SH3RF2: variants seen among roughly 807,000 people sequenced by gnomAD.
SH3RF2 encodes E3 ubiquitin-protein ligase SH3RF2.
In SH3RF2, 43 loss-of-function variants were observed where a neutral mutation model predicts 59.0. The observed-to-expected ratio is 0.73, with a 90% CI of 0.57 to 0.94. SH3RF2 has a LOEUF of 0.94. Among genes scored for constraint, SH3RF2 ranks in the 40% least tolerant of loss-of-function variants. The pLI is 0.00. For synonymous variants in SH3RF2, 391 were observed against 391.5 expected (o/e 1.00, Z 0.01); for missense variants, 930 against 940.1 (o/e 0.99, Z 0.14).
intron 2 of SH3RF2, among the ~76,000 whole-genome samples, chr5:145,957,549 GA>G (rs2149951198): frequency 6.6e-6 from 1 of 152,254 alleles, no homozygotes; most frequent in African/African-American, 2.4e-5. Context: ...GCCCCTATGT[GA>G]GGTGGGTACT....
At chr5:146,024,448 T>C (rs546504705) in intron 5 of SH3RF2, among the ~76,000 whole-genome samples, 122 of 152,362 alleles carry the variant, frequency 8.0e-4, no homozygotes, top group Non-Finnish European at 1.4e-3. Flanking sequence ...GTAAGAGTTC[T>C]TTACATATTC....
At chr5:145,995,144 G>A (rs758487852) in intron 2 of SH3RF2, among the ~76,000 whole-genome samples, 30 of 152,102 alleles carry the variant, frequency 2.0e-4, no homozygotes, top group Non-Finnish European at 3.5e-4. Flanking sequence ...TGTGGCCCTC[G>A]TCCTCAGTAT....
At chr5:146,022,614 CTG>C (rs1761365834) in intron 5 of SH3RF2, among the ~76,000 whole-genome samples, 1 of 152,138 alleles carries the variant, frequency 6.6e-6, no homozygotes, top group Non-Finnish European at 1.5e-5. Flanking sequence ...TGGCTCATGC[CTG>C]TAATCCCAGC....
chr5:146,050,041 C>A (rs1762441868), intron 7 of SH3RF2: 1 of 152,174 alleles, frequency 6.6e-6, no homozygotes, highest in Admixed American at 6.6e-5. Context: ...CCATTGTATT[C>A]TGTGCGGGTC....
At chr5:146,027,931 C>T (rs572191792) in intron 5 of SH3RF2, among the ~76,000 whole-genome samples, 30 of 152,226 alleles carry the variant, frequency 2.0e-4, no homozygotes, top group Admixed American at 1.8e-3. Context: ...AAAGCAGGTT[C>T]GATAATTAAC....
chr5:146,064,727 A>G (rs10056869), downstream of SH3RF2, among the ~76,000 whole-genome samples: 1,025 of 12,574 alleles, frequency 0.082, 58 homozygotes, highest in Middle Eastern at 0.1. Flanking sequence ...AGAAAGAAAG[A>G]AAGGAAGGAA....
At position 146,013,925 on chromosome 5, in the gene SH3RF2, T is replaced by C. The variant is rs540803052; in HGVS notation, c.923T>C (p.Leu308Pro). ...TCCATCACAACAGCCTTGAACACTC[T>C]CAACCGGATGGTCCATTCTCCTTCA... ...QFSITTALNT[L>P]NRMVHSPSGR... The change falls in exon 5 of 10, where the codon CTC (leucine) becomes CCC (proline). Residue 308 changes from leucine to proline, a missense_variant. Transcript: ENST00000359120. 1.5e-5 allele frequency: 24 copies of C among 1,614,120 alleles called. No individual in the cohort carries two copies. In the South Asian group the frequency reaches 2.5e-4, roughly 17 times the overall value.
At chr5:146,034,656 G>A (rs955088312) in intron 5 of SH3RF2, among the ~76,000 whole-genome samples, 7 of 152,196 alleles carry the variant, frequency 4.6e-5, no homozygotes, top group African/African-American at 1.2e-4. Context: ...AGTATGAGGT[G>A]TCTTCCCAAG....
Position 145,938,089 on chromosome 5 carries a change from C to A in SH3RF2, c.161C>A (p.Thr54Lys), listed in dbSNP as rs754818088. The change falls in exon 2 of 10, where the codon ACG (threonine) becomes AAG (lysine). Residue 54 changes from threonine to lysine, a missense_variant. Thr to Lys is a moderately conservative substitution (Grantham distance 78). Coordinates refer to ENST00000359120, the MANE Select transcript of SH3RF2 (RefSeq NM_152550.4). The stretch of plus-strand genomic sequence containing the variant: ...GAGCTGCGGTGCCCCGAATGCAGGA[C>A]GCCTGTGTTTTCCAACATTGAGGCG... ...HKELRCPECRTPVFSNIEALP... is the reference protein window; with the variant it reads ...HKELRCPECRKPVFSNIEALP... 7 of 1,614,094 alleles carry A rather than the reference C, an allele frequency of 4.3e-6. No homozygotes were observed. In the East Asian group the frequency reaches 1.3e-4, roughly 31 times the overall value.
chr5:146,065,887 C>T (rs994609627), downstream of SH3RF2, among the ~76,000 whole-genome samples: 3 of 152,220 alleles, frequency 2.0e-5, no homozygotes, highest in Non-Finnish European at 2.9e-5. Flanking sequence ...TCAAACTCCT[C>T]GGCTTGGCCT....
chr5:145,988,639 G>GA (rs895792804), intron 2 of SH3RF2, among the ~76,000 whole-genome samples: 55 of 151,558 alleles, frequency 3.6e-4, no homozygotes, highest in Middle Eastern at 3.4e-3. Flanking sequence ...AGTTTTCTAT[G>GA]AAAAAAAACA....
intron 5 of SH3RF2, among the ~76,000 whole-genome samples, chr5:146,037,319 C>T (rs1000370448): frequency 1.3e-5 from 2 of 152,190 alleles, no homozygotes; most frequent in Admixed American, 1.3e-4. Flanking sequence ...CTCAAACCCA[C>T]ATCAGACAGC....
intron 4 of SH3RF2, among the ~76,000 whole-genome samples, chr5:146,010,062 T>C (rs1055124392): frequency 2.0e-5 from 3 of 151,698 alleles, no homozygotes; most frequent in African/African-American, 7.3e-5. Context: ...CAGTGTGTGA[T>C]GTTCCCCTTC....
chr5:146,043,231 T>C (rs577461301), intron 5 of SH3RF2: 39 of 152,488 alleles, frequency 2.6e-4, no homozygotes, highest in Admixed American at 8.5e-4. Flanking sequence ...TCTCCAGTCA[T>C]TCATTCGTTC....
chr5:146,039,487 G>GAA (rs113958527), intron 5 of SH3RF2, among the ~76,000 whole-genome samples: 2 of 139,486 alleles, frequency 1.4e-5, no homozygotes, highest in Admixed American at 7.2e-5. Context: ...ATAAATATTT[G>GAA]AAAAAAAAAA....
At chr5:146,059,843 C>A in intron 8 of SH3RF2, 23 bp from the exon 9 acceptor site, 1 of 1,404,230 alleles carries the variant, frequency 7.1e-7, no homozygotes, top group Non-Finnish European at 9.3e-7. Context: ...TGCTGCTGAT[C>A]TCTCTGTCCT....
intron 2 of SH3RF2, among the ~76,000 whole-genome samples, chr5:145,952,598 G>C (rs983282821): frequency 6.6e-6 from 1 of 152,110 alleles, no homozygotes; most frequent in African/African-American, 2.4e-5. Context: ...ACTAAACTAA[G>C]CTCTAGGATA....
chr5:145,975,384 C>T (rs1203388988), intron 2 of SH3RF2, among the ~76,000 whole-genome samples: 1 of 152,224 alleles, frequency 6.6e-6, no homozygotes, highest in Non-Finnish European at 1.5e-5. Context: ...GGCCAAGTCT[C>T]TCATCTTAGA....
intron 5 of SH3RF2, among the ~76,000 whole-genome samples, chr5:146,020,051 G>T (rs1400510213): frequency 1.3e-5 from 2 of 152,154 alleles, no homozygotes; most frequent in Admixed American, 1.3e-4. Flanking sequence ...AGCAAACAGA[G>T]ATGGTTTGAC....
Sources: gnomAD v4.1 joint callset for allele counts (sites outside exome capture counted in the v4.1 genomes callset) on GRCh38, gnomAD v4.1.1 for gene constraint, MANE v1.5 for transcripts, NCBI Gene and HGNC (gene_info 2026-07-23, HGNC 2026-07-21) for gene names.